The following AK9 variants were observed in gnomAD, a reference collection of about 807,000 sequenced individuals.
The protein encoded by AK9 is adenylate kinase domain containing 1.
A neutral mutation model predicts 239.6 loss-of-function variants in AK9; 191 were observed. That is an observed-to-expected ratio of 0.80 (90% CI 0.71 to 0.90). The LOEUF is 0.90. AK9 is among the 40% of genes least tolerant of loss of function. AK9 has a pLI of 0.00. For synonymous variants in AK9, 689 were observed against 721.0 expected, an observed-to-expected ratio of 0.96 and a Z score of 0.71; for missense variants, 1,995 against 2,214.7, an observed-to-expected ratio of 0.90 and a Z score of 1.99.
intron 35 of AK9, among the ~76,000 whole-genome samples, chr6:109,502,563 A>G (rs1050590977): frequency 6.6e-6 from 1 of 152,168 alleles, no homozygotes; most frequent in African/African-American, 2.4e-5. Context: ...AGCCACCAAA[A>G]CTGTGACACA....
intron 12 of AK9, among the ~76,000 whole-genome samples, chr6:109,624,219 T>C (rs1795243301): frequency 6.6e-6 from 1 of 152,124 alleles, no homozygotes; most frequent in South Asian, 2.1e-4. Flanking sequence ...ATTGGTTATT[T>C]TCTAGGCTTC....
chr6:109,633,054 A>C lies in AK9; in HGVS notation c.1123T>G (p.Phe375Val), dbSNP rs374655312. ...AGATAGGGACGTGGGTTCAACAAAAATGGTTTTAATGCTTCTTCTGATGAA... is the reference window on the plus strand; with the variant it reads ...AGATAGGGACGTGGGTTCAACAAAACTGGTTTTAATGCTTCTTCTGATGAA... ...CLSSEEALKP[F>V]LLNPRPYLLP... Residue 375 changes from phenylalanine to valine, a missense_variant, in exon 12 of 41, where the codon TTT (phenylalanine) becomes GTT (valine). By Grantham distance (50) the Phe-to-Val change is conservative (BLOSUM62 -1). Coordinates refer to ENST00000424296, the MANE Select transcript of AK9 (RefSeq NM_001145128.3). The C allele has an allele frequency of 1.2e-5, 19 of 1,559,274 alleles. No homozygotes were observed. In the African/African-American group the frequency reaches 2.6e-4, roughly 22 times the overall value.
At chr6:109,673,694 C>T (rs1299430641) in intron 3 of AK9, among the ~76,000 whole-genome samples, 1 of 152,018 alleles carries the variant, frequency 6.6e-6, no homozygotes, top group Non-Finnish European at 1.5e-5. Flanking sequence ...TAAAAAGACA[C>T]CCAAACACAC....
chr6:109,663,948 T>G (rs2128321569), intron 5 of AK9, among the ~76,000 whole-genome samples: 1 of 152,218 alleles, frequency 6.6e-6, no homozygotes, highest in East Asian at 1.9e-4. Flanking sequence ...TCTTCATGTA[T>G]TTCAGCGAAA....
chr6:109,649,144 G>A (rs1562550040), intron 8 of AK9, among the ~76,000 whole-genome samples: 1 of 152,134 alleles, frequency 6.6e-6, no homozygotes, highest in Non-Finnish European at 1.5e-5. Flanking sequence ...CATACTGAAT[G>A]GACACAAACT....
chr6:109,540,278 T>A (rs1002471187), intron 27 of AK9, among the ~76,000 whole-genome samples: 3 of 152,186 alleles, frequency 2.0e-5, no homozygotes, highest in African/African-American at 7.2e-5. Flanking sequence ...GCCGCTTTGT[T>A]TACCTACTGC....
intron 2 of AK9, among the ~76,000 whole-genome samples, chr6:109,674,694 T>A (rs960451458): frequency 2.0e-5 from 3 of 152,232 alleles, no homozygotes; most frequent in African/African-American, 7.2e-5. Context: ...TTAACTGACA[T>A]CTTTGGAAAG....
intron 12 of AK9, among the ~76,000 whole-genome samples, chr6:109,624,924 A>AACTAAAATATGAATAC (rs1795333765): frequency 6.6e-6 from 1 of 152,000 alleles, no homozygotes; most frequent in Non-Finnish European, 1.5e-5. Context: ...AGGTAACTTT[A>AACTAAAATATGAATAC]ATTTCTATCT....
At chr6:109,659,842 CACTT>C (rs1200489433) in intron 6 of AK9, among the ~76,000 whole-genome samples, 2 of 152,152 alleles carry the variant, frequency 1.3e-5, no homozygotes, top group Non-Finnish European at 2.9e-5. Context: ...TATTTACTAT[CACTT>C]ACAGCTTTAT....
At chr6:109,495,493 T>A in intron 38 of AK9, 53 bp from the exon 39 acceptor site, 1 of 1,287,786 alleles carries the variant, frequency 7.8e-7, no homozygotes, top group South Asian at 1.3e-5. Flanking sequence ...TCAGTGTGTA[T>A]AGATAGGAAT....
chr6:109,648,601 A>G (rs1380083302), intron 8 of AK9, among the ~76,000 whole-genome samples: 1 of 152,248 alleles, frequency 6.6e-6, no homozygotes, highest in African/African-American at 2.4e-5. Flanking sequence ...AATAATCAAT[A>G]GCTTACCAAA....
rs763414264 is a variant in AK9, at chr6:109,559,179, G to GT, written c.2751+4417dup. 1.3e-4 allele frequency among the ~76,000 whole-genome samples: 11 copies of GT among 82,646 alleles called. No homozygotes were observed. In the East Asian group the frequency reaches 5.6e-3, roughly 42 times the overall value. The allele number at this position is 82,646 out of a possible 152,430, so 54.2% of individuals were successfully genotyped here. ...GGTATATCTATCTGTTTTTTTTTTT[G>GT]TTTTTTTGAGATGGGGTCTCTCTCT... On this transcript the variant is annotated intron_variant, in intron 24 of 40. Coordinates refer to ENST00000424296, the MANE Select transcript of AK9 (RefSeq NM_001145128.3).
chr6:109,640,319 T>C (rs905943405), intron 10 of AK9, among the ~76,000 whole-genome samples: 3 of 152,204 alleles, frequency 2.0e-5, no homozygotes, highest in African/African-American at 7.2e-5. Flanking sequence ...TGTCCTGTTT[T>C]TCCCAGGTAC....
intron 12 of AK9, among the ~76,000 whole-genome samples, chr6:109,622,466 T>G (rs905186267): frequency 7.0e-6 from 1 of 142,490 alleles, no homozygotes; most frequent in African/African-American, 2.5e-5. Context: ...AATATAATAT[T>G]AATATAATAT....
At chr6:109,550,473 A>G (rs1028882973) in intron 24 of AK9, 171 bp from the exon 25 acceptor site, 10 of 545,160 alleles carry the variant, frequency 1.8e-5, no homozygotes, top group Admixed American at 3.7e-5. Context: ...TTTCTCATAT[A>G]TTACTCTAAG....
At position 109,528,987 on chromosome 6, in the gene AK9, GAA is replaced by G. The variant is rs552385212; in HGVS notation, c.3633+22_3633+23del. The G allele has an allele frequency of 1.5e-5, 23 of 1,498,962 alleles. No individual in the cohort carries two copies. In the Middle Eastern group the frequency reaches 5.4e-4, roughly 35 times the overall value. The allele number at this position is 1,498,962 out of a possible 1,614,324, so 92.9% of individuals were successfully genotyped here. ...GGGCAACAGAGTGAGACCCTGTTTT[GAA>G]AAAAAAAACAAAACTACTTACCTCC... On this transcript the variant is annotated intron_variant, in intron 29 of 40. Coordinates refer to ENST00000424296, the MANE Select transcript of AK9 (RefSeq NM_001145128.3).
At position 109,632,977 on chromosome 6, in the gene AK9, T is replaced by C. The variant is rs764959623; in HGVS notation, c.1200A>G (p.Gln400=). ...PPCKVFILGP[Q]YSGKTTLCNM... ...TGCAAAGTGTTGTTTTCCCTGAATATTGAGGTCCAAGTATGAATACTTTAC... is the reference window on the plus strand; with the variant it reads ...TGCAAAGTGTTGTTTTCCCTGAATACTGAGGTCCAAGTATGAATACTTTAC... Residue 400 remains glutamine (Q), a synonymous_variant, in exon 12 of 41, where the codon CAA becomes CAG. Transcript: ENST00000424296. The C allele has an allele frequency of 2.2e-5, 36 of 1,613,210 alleles. No individual in the cohort carries two copies. The highest frequency in any genetic ancestry group is 2.8e-5 in the Non-Finnish European group (33 of 1,179,780).
intron 1 of AK9, among the ~76,000 whole-genome samples, chr6:109,684,366 A>G (rs1773134838): frequency 6.6e-6 from 1 of 152,180 alleles, no homozygotes; most frequent in Admixed American, 6.5e-5. Context: ...AAATACCAAA[A>G]GCAATGGCAA....
At chr6:109,525,372 G>A (rs1217315332) in intron 29 of AK9, among the ~76,000 whole-genome samples, 1 of 152,150 alleles carries the variant, frequency 6.6e-6, no homozygotes, top group East Asian at 1.9e-4. Context: ...AGAAGAAACA[G>A]TCAACCAACA....
Sources: gnomAD v4.1 joint callset for allele counts (sites outside exome capture counted in the v4.1 genomes callset) on GRCh38, gnomAD v4.1.1 for gene constraint, MANE v1.5 for transcripts, NCBI Gene and HGNC (gene_info 2026-07-23, HGNC 2026-07-21) for gene names.